The following RASAL2 variants were observed in gnomAD, a reference collection of about 807,000 sequenced individuals.
The protein encoded by RASAL2 is ras GTPase-activating protein nGAP.
RASAL2 carries 58 observed loss-of-function variants against 128.9 expected under a neutral mutation model. The ratio of observed to expected loss-of-function variants is 0.45; its 90% CI spans 0.36 to 0.56. The LOEUF is 0.56. Ranked by LOEUF, RASAL2 falls within the 20% of genes least tolerant of loss-of-function variation. The pLI is 0.00. For missense variants in RASAL2, 1,360 were observed against 1,601.6 expected (o/e 0.85, Z 2.57); for synonymous variants, 561 against 580.8 (o/e 0.97, Z 0.49).
intron 1 of RASAL2, among the ~76,000 whole-genome samples, chr1:178,253,027 C>G (rs1665127798): frequency 6.6e-6 from 1 of 152,108 alleles, no homozygotes; most frequent in Admixed American, 6.6e-5. Flanking sequence ...GAAATTTATT[C>G]TCTCTCAGTT....
chr1:178,203,016 C>A (rs1027115489), intron 1 of RASAL2, among the ~76,000 whole-genome samples: 5 of 152,212 alleles, frequency 3.3e-5, no homozygotes, highest in Admixed American at 6.5e-5. Flanking sequence ...TGGCACCATT[C>A]CTCTGGGTGA....
intron 1 of RASAL2, among the ~76,000 whole-genome samples, chr1:178,116,392 A>G (rs969001854): frequency 6.6e-6 from 1 of 152,222 alleles, no homozygotes; most frequent in Admixed American, 6.5e-5. Context: ...AGTCTATGAA[A>G]GAGTATACCT....
chr1:178,100,012 G>A (rs1241326050), intron 1 of RASAL2, among the ~76,000 whole-genome samples: 1 of 151,942 alleles, frequency 6.6e-6, no homozygotes, highest in African/African-American at 2.4e-5. Flanking sequence ...ATAGCCTTAT[G>A]TCAGTGCAGG....
chr1:178,426,181 A>T (rs531179594), intron 5 of RASAL2, among the ~76,000 whole-genome samples: 12 of 152,332 alleles, frequency 7.9e-5, no homozygotes, highest in African/African-American at 2.9e-4. Flanking sequence ...ATATATTCAT[A>T]TAAAAACTTG....
At chr1:178,452,878 T>C (rs899299642) in intron 11 of RASAL2, among the ~76,000 whole-genome samples, 1 of 152,076 alleles carries the variant, frequency 6.6e-6, no homozygotes, top group African/African-American at 2.4e-5. Context: ...CTACAAACTG[T>C]TTACAAAAAC....
chr1:178,117,284 A>C (rs532853954), intron 1 of RASAL2, among the ~76,000 whole-genome samples: 5 of 152,304 alleles, frequency 3.3e-5, no homozygotes, highest in African/African-American at 1.2e-4. Flanking sequence ...CTAGCATCTC[A>C]ATCAGGTGCA....
At chr1:178,439,058 T>C (rs1341150827) in intron 5 of RASAL2, among the ~76,000 whole-genome samples, 3 of 152,020 alleles carry the variant, frequency 2.0e-5, no homozygotes, top group Non-Finnish European at 2.9e-5. Flanking sequence ...TACCTTTGCA[T>C]AAGAAAGAAT....
intron 5 of RASAL2, among the ~76,000 whole-genome samples, chr1:178,430,921 C>A (rs923345541): frequency 6.6e-6 from 1 of 151,378 alleles, no homozygotes; most frequent in Non-Finnish European, 1.5e-5. Flanking sequence ...CACACACACA[C>A]ACACACACAC....
chr1:178,411,065 C>A (rs1370940362), intron 4 of RASAL2, among the ~76,000 whole-genome samples: 1 of 152,222 alleles, frequency 6.6e-6, no homozygotes, highest in East Asian at 1.9e-4. Context: ...GACACTTGCA[C>A]ACGTATATAG....
chr1:178,094,828 G>C (rs1490402914), intron 1 of RASAL2, 134 bp downstream of exon 1: 3 of 1,110,896 alleles, frequency 2.7e-6, no homozygotes, highest in East Asian at 5.2e-5. Context: ...TTTTGTTCTG[G>C]GGGTGCATTT....
At chr1:178,369,716 G>C (rs553487809) in intron 3 of RASAL2, among the ~76,000 whole-genome samples, 1 of 152,028 alleles carries the variant, frequency 6.6e-6, no homozygotes, top group Non-Finnish European at 1.5e-5. Context: ...GATATCTTTA[G>C]TATTAAGATA....
chr1:178,456,383 A>G (rs1677775787), intron 12 of RASAL2: 1 of 333,622 alleles, frequency 3.0e-6, no homozygotes. Context: ...CTAGCCTCCC[A>G]AAGATTTAGT....
At chr1:178,390,923 TA>T (rs2102608292) in intron 4 of RASAL2, among the ~76,000 whole-genome samples, 1 of 152,176 alleles carries the variant, frequency 6.6e-6, no homozygotes, top group African/African-American at 2.4e-5. Flanking sequence ...AGCTGGAACA[TA>T]AGCAGAGAGT....
At chr1:178,150,376 G>T (rs1185697968) in intron 1 of RASAL2, among the ~76,000 whole-genome samples, 1 of 152,016 alleles carries the variant, frequency 6.6e-6, no homozygotes, top group Non-Finnish European at 1.5e-5. Context: ...AGTAGAGACA[G>T]GGTTTTGCCA....
At position 178,148,474 on chromosome 1, in the gene RASAL2, G is replaced by A. The variant is rs139074158; in HGVS notation, c.202+53780G>A. Reference sequence around the variant, plus strand: ...TTTATTTATTTATTTTTTGAGATAGGGTCTCACTTTGTCAGCCAGGCTAGA... The same window carrying A: ...TTTATTTATTTATTTTTTGAGATAGAGTCTCACTTTGTCAGCCAGGCTAGA... On this transcript the variant is annotated intron_variant, in intron 1 of 17. Transcript: ENST00000367649. Among the ~76,000 whole-genome samples, 184 of 148,708 alleles carry A rather than the reference G, an allele frequency of 1.2e-3. 1 individual carries two copies. The highest frequency in any genetic ancestry group is 4.5e-3 in the African/African-American group (175 of 38,676).
At chr1:178,142,903 A>G (rs768192846) in intron 1 of RASAL2, among the ~76,000 whole-genome samples, 5 of 151,722 alleles carry the variant, frequency 3.3e-5, no homozygotes, top group Non-Finnish European at 7.4e-5. Context: ...GAAATCCCTG[A>G]GATTTGGGCA....
At chr1:178,397,461 A>T (rs58393967) in intron 4 of RASAL2, among the ~76,000 whole-genome samples, 1 of 152,190 alleles carries the variant, frequency 6.6e-6, no homozygotes, top group Non-Finnish European at 1.5e-5. Flanking sequence ...AGTGTTTCTC[A>T]TGAGTTGGGT....
intron 1 of RASAL2, among the ~76,000 whole-genome samples, chr1:178,187,569 A>G (rs1334580858): frequency 2.0e-5 from 3 of 152,156 alleles, no homozygotes; most frequent in Middle Eastern, 3.4e-3. Context: ...TCTGTTGTCT[A>G]GTATCTGAAA....
At chr1:178,161,817 T>C (rs1661309575) in intron 1 of RASAL2, among the ~76,000 whole-genome samples, 1 of 152,072 alleles carries the variant, frequency 6.6e-6, no homozygotes, top group South Asian at 2.1e-4. Flanking sequence ...TCTCTGTGTA[T>C]TTCCTTGGTG....
Sources: gnomAD v4.1 joint callset for allele counts (sites outside exome capture counted in the v4.1 genomes callset) on GRCh38, gnomAD v4.1.1 for gene constraint, MANE v1.5 for transcripts, NCBI Gene and HGNC (gene_info 2026-07-23, HGNC 2026-07-21) for gene names.